Variants in MYO16 observed in about 807,000 individuals in gnomAD.
The protein encoded by MYO16 is myosin XVI.
Under a neutral mutation model 205.3 loss-of-function variants are expected in MYO16, and 94 were observed. The observed-to-expected ratio is 0.46, with a 90% CI of 0.39 to 0.54. The LOEUF (loss-of-function observed/expected upper bound fraction) is 0.54, where lower values mean the gene tolerates loss of function less well. MYO16 is among the 20% of genes least tolerant of loss of function. The pLI is 0.00. For missense variants in MYO16, 2,315 were observed against 2,387.5 expected (o/e 0.97, Z 0.63); for synonymous variants, 988 against 954.0 (o/e 1.04, Z -0.66).
intron 31 of MYO16, among the ~76,000 whole-genome samples, chr13:109,137,590 A>G (rs1876838965): frequency 6.6e-6 from 1 of 152,198 alleles, no homozygotes. Flanking sequence ...TTCTATTCTT[A>G]AAAGTTGGCT....
the MYO16 span, among the ~76,000 whole-genome samples, chr13:108,534,712 A>G: frequency 6.6e-6 from 1 of 151,746 alleles, no homozygotes. Flanking sequence ...GGTGAAAAGT[A>G]ATACCTGACA....
At chr13:108,636,346 CTTTTTTTTTTTTTTT>C (rs71125326) in intron 1 of MYO16, among the ~76,000 whole-genome samples, 2,157 of 81,400 alleles carry the variant, frequency 0.026, 46 homozygotes, top group Middle Eastern at 0.092. Context: ...AAATATTTCC[CTTTTTTTTTTTTTTT>C]TTTTTTTTTG....
intron 30 of MYO16, among the ~76,000 whole-genome samples, chr13:109,126,095 A>G (rs1876234530): frequency 6.6e-6 from 1 of 152,144 alleles, no homozygotes; most frequent in South Asian, 2.1e-4. Context: ...ACTTGGTAAT[A>G]TCTTGTTGTT....
the MYO16 span, among the ~76,000 whole-genome samples, chr13:108,502,880 A>G: frequency 6.6e-6 from 1 of 152,174 alleles, no homozygotes; most frequent in African/African-American, 2.4e-5. Context: ...CTTTACATTC[A>G]TTTCAGAGAT....
chr13:108,916,225 C>G (rs761686865), intron 16 of MYO16, among the ~76,000 whole-genome samples: 13 of 152,160 alleles, frequency 8.5e-5, no homozygotes, highest in Non-Finnish European at 1.8e-4. Context: ...CAGCACAGTT[C>G]ATGGGGCACT....
At chr13:108,889,132 G>A (rs921954247) in intron 14 of MYO16, among the ~76,000 whole-genome samples, 2 of 152,064 alleles carry the variant, frequency 1.3e-5, no homozygotes, top group Non-Finnish European at 2.9e-5. Context: ...AGAAATTATT[G>A]TGAGGGATCA....
intron 1 of MYO16, among the ~76,000 whole-genome samples, chr13:108,600,371 G>C (rs1171383196): frequency 6.6e-6 from 1 of 152,138 alleles, no homozygotes; most frequent in African/African-American, 2.4e-5. Flanking sequence ...ACTACATAGA[G>C]CTGTGAGCAT....
chr13:108,510,441 T>A, the MYO16 span, among the ~76,000 whole-genome samples: 1 of 129,288 alleles, frequency 7.7e-6, no homozygotes, highest in Admixed American at 7.9e-5. Context: ...TTTTTTTTTT[T>A]ATATTTAACA....
At chr13:108,495,885 G>A in the MYO16 span, among the ~76,000 whole-genome samples, 1 of 151,980 alleles carries the variant, frequency 6.6e-6, no homozygotes, top group Non-Finnish European at 1.5e-5. Context: ...CCATCGCCGC[G>A]TCGCCTGGCG....
chr13:109,061,635 G>A (rs937152306), intron 27 of MYO16, among the ~76,000 whole-genome samples: 3 of 152,060 alleles, frequency 2.0e-5, no homozygotes, highest in East Asian at 1.9e-4. Context: ...TTTGTGGCAC[G>A]CCAAAACAAT....
chr13:108,501,254 C>T, the MYO16 span, among the ~76,000 whole-genome samples: 2 of 152,160 alleles, frequency 1.3e-5, no homozygotes, highest in African/African-American at 2.4e-5. Context: ...GATATGAGCA[C>T]AGCAGAAGAT....
At chr13:109,187,947 A>C (rs920404670) in intron 34 of MYO16, among the ~76,000 whole-genome samples, 19 of 152,234 alleles carry the variant, frequency 1.2e-4, no homozygotes, top group Non-Finnish European at 2.6e-4. Flanking sequence ...AGAAGAGCAC[A>C]GAAGTCTCCA....
At chr13:108,814,203 T>C (rs1887379312) in intron 7 of MYO16, among the ~76,000 whole-genome samples, 1 of 152,192 alleles carries the variant, frequency 6.6e-6, no homozygotes, top group South Asian at 2.1e-4. Flanking sequence ...AAATTGAATT[T>C]AGTAATGCAA....
At chr13:108,618,091 C>G (rs117137426) in intron 1 of MYO16, among the ~76,000 whole-genome samples, 329 of 152,296 alleles carry the variant, frequency 2.2e-3, no homozygotes, top group Non-Finnish European at 4.0e-3. Context: ...CCCTCATGCT[C>G]TCTCCCCTGG....
intron 27 of MYO16, among the ~76,000 whole-genome samples, chr13:109,079,989 C>T (rs1888233908): frequency 6.6e-6 from 1 of 150,948 alleles, no homozygotes; most frequent in Non-Finnish European, 1.5e-5. Context: ...GATTCTCCTG[C>T]CTTAGCCTCC....
intron 20 of MYO16, among the ~76,000 whole-genome samples, chr13:108,973,171 A>G (rs1884120965): frequency 6.6e-6 from 1 of 151,992 alleles, no homozygotes; most frequent in East Asian, 1.9e-4. Context: ...TTGTTTCACA[A>G]GTCGAAACTG....
At chr13:109,192,198 T>A (rs1290346037) in intron 34 of MYO16, among the ~76,000 whole-genome samples, 1 of 152,218 alleles carries the variant, frequency 6.6e-6, no homozygotes, top group Non-Finnish European at 1.5e-5. Flanking sequence ...AGATGAGCTG[T>A]GATATTGGAA....
At chr13:108,917,188 C>T (rs906269492) in intron 16 of MYO16, among the ~76,000 whole-genome samples, 1 of 152,130 alleles carries the variant, frequency 6.6e-6, no homozygotes, top group African/African-American at 2.4e-5. Context: ...GCCCTAGGCC[C>T]CCTAACTTAA....
At position 109,148,155 on chromosome 13, in the gene MYO16, G is replaced by A. The variant is rs181781849; in HGVS notation, c.5164+6779G>A. On this transcript the variant is annotated intron_variant, in intron 32 of 34. Transcript: ENST00000457511. ...ATAATACTGTGTTCATCTACACTTC[G>A]AAATGAACTTTCAATGTTAATAAAT... 1.7e-3 allele frequency among the ~76,000 whole-genome samples: 259 copies of A among 152,136 alleles called. 1 individual carries two copies. The highest frequency in any genetic ancestry group is 6.0e-3 in the African/African-American group (250 of 41,500).
Sources: gnomAD v4.1 joint callset for allele counts (sites outside exome capture counted in the v4.1 genomes callset) on GRCh38, gnomAD v4.1.1 for gene constraint, MANE v1.5 for transcripts, NCBI Gene and HGNC (gene_info 2026-07-23, HGNC 2026-07-21) for gene names.